The following ACAD11 variants were observed in gnomAD, a reference collection of about 807,000 sequenced individuals.
ACAD11 encodes the protein acyl-Coenzyme A dehydrogenase family, member 11.
ACAD11 carries 83 observed loss-of-function variants against 102.2 expected under a neutral mutation model. That is an observed-to-expected ratio of 0.81 (90% CI 0.68 to 0.97). The LOEUF (loss-of-function observed/expected upper bound fraction) is 0.97, where lower values mean the gene tolerates loss of function less well. ACAD11 is among the 50% of genes least tolerant of loss of function. The pLI, the probability that ACAD11 is intolerant of heterozygous loss-of-function variation, is 0.00. For synonymous variants in ACAD11, 324 were observed against 319.8 expected, an observed-to-expected ratio of 1.01 and a Z score of -0.14; for missense variants, 901 against 951.7, an observed-to-expected ratio of 0.95 and a Z score of 0.70.
intron 12 of ACAD11, 166 bp downstream of exon 12, chr3:132,604,932 T>G (rs954320419): frequency 2.0e-6 from 1 of 504,312 alleles, no homozygotes; most frequent in Non-Finnish European, 3.6e-6. Context: ...TCTGAACATT[T>G]GAAAATGCCA....
intron 19 of ACAD11, 122 bp from the exon 20 acceptor site, chr3:132,559,207 G>A: frequency 2.7e-6 from 2 of 744,412 alleles, no homozygotes; most frequent in Non-Finnish European, 4.5e-6. Flanking sequence ...CCAAGGTCAG[G>A]GTAAGAAAAA....
At chr3:132,648,543 G>T (rs1444841036) in intron 1 of ACAD11, 1 of 150,024 alleles carries the variant, frequency 6.7e-6, no homozygotes, top group Non-Finnish European at 1.5e-5. Flanking sequence ...TAACAGAAAG[G>T]AACTGGAAAA....
chr3:132,579,735 T>C (rs777928952), intron 13 of ACAD11, among the ~76,000 whole-genome samples, 177 bp from the exon 14 acceptor site: 3 of 152,130 alleles, frequency 2.0e-5, no homozygotes, highest in Non-Finnish European at 4.4e-5. Context: ...AGAAAAATGA[T>C]TAGGCAAGGC....
chr3:132,566,593 C>A (rs1224855451), intron 17 of ACAD11, among the ~76,000 whole-genome samples: 1 of 152,016 alleles, frequency 6.6e-6, no homozygotes, highest in Non-Finnish European at 1.5e-5. Context: ...AAAATGACAC[C>A]TTACCTATAG....
intron 11 of ACAD11, among the ~76,000 whole-genome samples, chr3:132,614,725 G>GA: frequency 6.6e-6 from 1 of 152,170 alleles, no homozygotes; most frequent in Non-Finnish European, 1.5e-5. Context: ...AAAAGCCCTA[G>GA]AAGAAAACCT....
intron 5 of ACAD11, among the ~76,000 whole-genome samples, chr3:132,638,494 TG>T (rs1940358368): frequency 6.6e-6 from 1 of 152,180 alleles, no homozygotes; most frequent in African/African-American, 2.4e-5. Flanking sequence ...TAGTTGCTAG[TG>T]AATAATTAAC....
At chr3:132,595,833 A>G (rs1938279028) in intron 13 of ACAD11, among the ~76,000 whole-genome samples, 1 of 152,174 alleles carries the variant, frequency 6.6e-6, no homozygotes, top group Non-Finnish European at 1.5e-5. Flanking sequence ...AGGAGCACTT[A>G]CAAACTGTTG....
chr3:132,605,169 C>G lies in ACAD11; in HGVS notation c.1451G>C (p.Ser484Thr). ...GNMEVLHLYG[S>T]EEQKKQWLEP... ...AAGCCACTGTTTCTTCTGTTCCTCA[C>G]TTCCATACAGGTGCAGAACCTCCAT... Residue 484 changes from serine to threonine, a missense_variant, in exon 12 of 20, where the codon AGT becomes ACT. Coordinates refer to ENST00000264990, the MANE Select transcript of ACAD11 (RefSeq NM_032169.5). 6.2e-7 allele frequency: 1 copy of G among 1,613,554 alleles called. No homozygotes were observed. Among genetic ancestry groups the G allele is most frequent in the Non-Finnish European group, 8.5e-7 (1 of 1,179,564 alleles).
At position 132,638,889 on chromosome 3, in the gene ACAD11, T is replaced by A. The variant is rs369557559; in HGVS notation, c.702+603A>T. Among the ~76,000 whole-genome samples the A allele has an allele frequency of 7.4e-4, 113 of 152,252 alleles. 1 individual carries two copies. Among genetic ancestry groups the A allele is most frequent in the African/African-American group, 2.6e-3 (108 of 41,556 alleles). On this transcript the variant is annotated intron_variant, in intron 5 of 19. Coordinates refer to ENST00000264990, the MANE Select transcript of ACAD11 (RefSeq NM_032169.5). ...CTAATGAACCCAGAAAATCCTCCTCTCAGAAGCAGGATTCATTCCTACTAT... is the reference window on the plus strand; with the variant it reads ...CTAATGAACCCAGAAAATCCTCCTCACAGAAGCAGGATTCATTCCTACTAT...
chr3:132,560,955 C>T, intron 18 of ACAD11, 146 bp downstream of exon 18: 1 of 629,200 alleles, frequency 1.6e-6, no homozygotes, highest in Admixed American at 2.6e-5. Context: ...AAGTGACAGG[C>T]ATTTATAATT....
At chr3:132,641,012 C>T (rs1355503468) in intron 4 of ACAD11, among the ~76,000 whole-genome samples, 2 of 152,136 alleles carry the variant, frequency 1.3e-5, no homozygotes, top group Non-Finnish European at 2.9e-5. Context: ...GCAAGGGCAT[C>T]CCAACTTCCA....
At chr3:132,562,617 T>A (rs777414074) in intron 17 of ACAD11, among the ~76,000 whole-genome samples, 6 of 152,216 alleles carry the variant, frequency 3.9e-5, no homozygotes, top group Non-Finnish European at 7.3e-5. Flanking sequence ...TCATATTTTA[T>A]TTTAGTCATT....
intron 13 of ACAD11, chr3:132,602,193 A>T (rs1321454598): frequency 6.3e-6 from 1 of 157,844 alleles, no homozygotes; most frequent in African/African-American, 2.5e-5. Flanking sequence ...AAAAAGCAAT[A>T]AAAAAAAAAC....
At chr3:132,602,791 G>A (rs1938670128) in intron 13 of ACAD11, among the ~76,000 whole-genome samples, 1 of 152,078 alleles carries the variant, frequency 6.6e-6, no homozygotes, top group African/African-American at 2.4e-5. Flanking sequence ...TTCACATGCA[G>A]AATTAATTAA....
intron 11 of ACAD11, among the ~76,000 whole-genome samples, chr3:132,611,907 G>A (rs1329765970): frequency 1.3e-5 from 2 of 151,976 alleles, no homozygotes; most frequent in South Asian, 2.1e-4. Context: ...AAAAGAGCCT[G>A]CATCGCCAAG....
chr3:132,631,212 CATA>C (rs1271580881), intron 6 of ACAD11, 126 bp downstream of exon 6: 1 of 480,168 alleles, frequency 2.1e-6, no homozygotes, highest in East Asian at 3.8e-5. Context: ...AAATAAAAAT[CATA>C]ATAAAATAGA....
rs116615312 is a variant in ACAD11, at chr3:132,560,753, C to G, written c.2118+348G>C. Among the ~76,000 whole-genome samples the G allele has an allele frequency of 2.4e-3, 366 of 152,208 alleles. 1 individual carries two copies. Among genetic ancestry groups the G allele is most frequent in the African/African-American group, 8.2e-3 (342 of 41,542 alleles). ...ATCTTGGTTACTCTTCACAACAACC[C>G]TAGGCCTTAGGCAGAAAAGTTAAGT... On this transcript the variant is annotated intron_variant, in intron 18 of 19. Coordinates refer to ENST00000264990, the MANE Select transcript of ACAD11 (RefSeq NM_032169.5).
chr3:132,585,365 G>A (rs1181196143), intron 13 of ACAD11, among the ~76,000 whole-genome samples: 21 of 152,124 alleles, frequency 1.4e-4, no homozygotes, highest in South Asian at 6.2e-4. Context: ...AAAGACTTAC[G>A]TGTTAGACCT....
Position 132,630,480 on chromosome 3 carries a change from A to G in ACAD11, c.920T>C (p.Phe307Ser). Reference sequence around the variant, plus strand: ...CTTAAAATATGAAAGGGCAAGAAAGAAATTCCAGTTAGGAAGAATAGAATT... The same window carrying G: ...CTTAAAATATGAAAGGGCAAGAAAGGAATTCCAGTTAGGAAGAATAGAATT... ...GINSILPNWNFFLALSYFKMA... is the reference protein window; with the variant it reads ...GINSILPNWNSFLALSYFKMA... Residue 307 changes from phenylalanine to serine, a missense_variant, in exon 7 of 20, where the codon TTC becomes TCC. Phe to Ser is a radical substitution (Grantham distance 155). Transcript: ENST00000264990. The G allele has an allele frequency of 6.2e-7, 1 of 1,613,422 alleles. No individual in the cohort carries two copies. The highest frequency in any genetic ancestry group is 1.1e-5 in the South Asian group (1 of 90,904).
Sources: allele counts gnomAD v4.1 joint callset (sites outside exome capture counted in the v4.1 genomes callset), GRCh38; gene constraint gnomAD v4.1.1; transcripts MANE v1.5; gene names NCBI Gene and HGNC (gene_info 2026-07-23, HGNC 2026-07-21).